Variants in SUMF1 observed in about 807,000 individuals in gnomAD.
The protein encoded by SUMF1 is formylglycine-generating enzyme.
A neutral mutation model predicts 47.6 loss-of-function variants in SUMF1; 48 were observed. The observed-to-expected ratio is 1.01, with a 90% CI of 0.80 to 1.28. The LOEUF (loss-of-function observed/expected upper bound fraction) is 1.28, where lower values mean the gene tolerates loss of function less well. Ranked by LOEUF, SUMF1 falls within the 50% of genes most tolerant of loss-of-function variation. The pLI is 0.00. For missense variants in SUMF1, 571 were observed against 485.4 expected (o/e 1.18, Z -1.66); for synonymous variants, 230 against 192.1 (o/e 1.20, Z -1.63).
chr3:4,430,997 A>C lies in SUMF1; in HGVS notation c.520-10851T>G, dbSNP rs192266963. On this transcript the variant is annotated intron_variant, in intron 3 of 8. Coordinates refer to ENST00000272902, the MANE Select transcript of SUMF1 (RefSeq NM_182760.4). The stretch of plus-strand genomic sequence containing the variant: ...AACCTTAGATCTGGAAGGATGCCAA[A>C]AAGTTACTTGATTTTAACCTGTACC... Among the ~76,000 whole-genome samples the C allele has an allele frequency of 2.0e-5, 3 of 152,340 alleles. No homozygotes were observed. In the East Asian group the frequency reaches 5.8e-4, roughly 29 times the overall value.
intron 8 of SUMF1, among the ~76,000 whole-genome samples, chr3:4,364,814 G>T (rs1003274533): frequency 1.3e-5 from 2 of 151,862 alleles, no homozygotes; most frequent in African/African-American, 4.8e-5. Flanking sequence ...TAATTGTGAT[G>T]TTAGGGTATC....
chr3:4,074,175 A>G (rs900937905), intron 8 of SUMF1, among the ~76,000 whole-genome samples: 1 of 152,096 alleles, frequency 6.6e-6, no homozygotes, highest in Non-Finnish European at 1.5e-5. Flanking sequence ...AGAACTCTGG[A>G]TTAAGAAACT....
At chr3:4,387,346 G>A (rs1017976425) in intron 7 of SUMF1, among the ~76,000 whole-genome samples, 1 of 151,984 alleles carries the variant, frequency 6.6e-6, no homozygotes, top group South Asian at 2.1e-4. Flanking sequence ...TTGAGGAAGT[G>A]TTGTTTCTCG....
chr3:4,108,544 T>C lies in SUMF1; in HGVS notation c.1015-39799A>G, dbSNP rs187766026. ...GGGGTGTTAAAGTCTCCCATTACTA[T>C]GGTGTGGGAGTCTAAGTCTCTTTCT... On this transcript the variant is annotated intron_variant and NMD_transcript_variant, in intron 8 of 12. Coordinates refer to the SUMF1 transcript ENST00000448413. 4.3e-3 allele frequency among the ~76,000 whole-genome samples: 650 copies of C among 152,216 alleles called. 16 individuals are homozygous for C. The highest frequency in any genetic ancestry group is 1.4e-3 in the Non-Finnish European group (95 of 68,010).
chr3:4,439,286 G>A (rs1000807684), intron 3 of SUMF1, among the ~76,000 whole-genome samples: 2 of 152,166 alleles, frequency 1.3e-5, no homozygotes, highest in Non-Finnish European at 2.9e-5. Context: ...CACTTTAGGA[G>A]GCTGAGGCAG....
intron 8 of SUMF1, among the ~76,000 whole-genome samples, chr3:4,133,422 G>C (rs531765584): frequency 1.3e-5 from 2 of 152,270 alleles, no homozygotes; most frequent in African/African-American, 4.8e-5. Flanking sequence ...ACTTGTGATA[G>C]TTAATACTAA....
chr3:4,357,966 A>G (rs978604440), downstream of SUMF1, among the ~76,000 whole-genome samples: 4 of 152,232 alleles, frequency 2.6e-5, no homozygotes, highest in South Asian at 2.1e-4. Context: ...CTCAAGGGTC[A>G]TATCGACAAT....
At chr3:4,240,062 G>T (rs922426517) in intron 8 of SUMF1, among the ~76,000 whole-genome samples, 1 of 152,102 alleles carries the variant, frequency 6.6e-6, no homozygotes, top group African/African-American at 2.4e-5. Flanking sequence ...TTATGTGATG[G>T]ATTATGTTTA....
At chr3:4,100,701 T>C (rs1215125491) in intron 8 of SUMF1, among the ~76,000 whole-genome samples, 4 of 151,816 alleles carry the variant, frequency 2.6e-5, no homozygotes, top group East Asian at 3.8e-4. Flanking sequence ...AAATGATTAA[T>C]AGAGTGAAGA....
intron 8 of SUMF1, among the ~76,000 whole-genome samples, chr3:4,106,379 C>T (rs1479466141): frequency 1.3e-5 from 2 of 152,034 alleles, no homozygotes; most frequent in African/African-American, 4.8e-5. Flanking sequence ...AGGCCATAAA[C>T]CAGGCACCTT....
At chr3:4,226,414 T>G (rs1696176538) in intron 8 of SUMF1, among the ~76,000 whole-genome samples, 1 of 151,398 alleles carries the variant, frequency 6.6e-6, no homozygotes, top group Admixed American at 6.6e-5. Flanking sequence ...GGACTACAGG[T>G]GCACCCCACC....
At chr3:4,353,794 T>C (rs1002020275) in intron 8 of SUMF1, among the ~76,000 whole-genome samples, 2 of 152,148 alleles carry the variant, frequency 1.3e-5, no homozygotes, top group African/African-American at 4.8e-5. Context: ...CAACAGGTTG[T>C]AGTGAGTTCT....
chr3:4,133,667 T>C (rs867214161), intron 8 of SUMF1, among the ~76,000 whole-genome samples: 8 of 152,240 alleles, frequency 5.3e-5, no homozygotes, highest in South Asian at 2.1e-4. Flanking sequence ...CCGTGCTGGA[T>C]GCTTCCTGCC....
In SUMF1 at chr3:4,419,466, T is replaced by A. The variant is rs562118546; in HGVS notation, c.602+598A>T. ...TTTCTTGGGCTGCTGAGATGCTGAG[T>A]CCTAACCCAAACCTTGCTCAATCTC... On this transcript the variant is annotated intron_variant, in intron 4 of 8. Coordinates refer to ENST00000272902, the MANE Select transcript of SUMF1 (RefSeq NM_182760.4). Among the ~76,000 whole-genome samples the A allele has an allele frequency of 7.2e-5, 11 of 152,298 alleles. No individual in the cohort carries two copies. In the South Asian group the frequency reaches 2.3e-3, roughly 32 times the overall value.
chr3:4,203,293 A>T (rs932467655), intron 8 of SUMF1, among the ~76,000 whole-genome samples: 2 of 151,964 alleles, frequency 1.3e-5, no homozygotes, highest in African/African-American at 4.8e-5. Flanking sequence ...ATATATTTGC[A>T]ATTATTATAT....
intron 9 of SUMF1, among the ~76,000 whole-genome samples, chr3:4,063,578 A>G (rs77132990): frequency 0.047 from 7,093 of 152,024 alleles, 580 homozygotes; most frequent in African/African-American, 0.16. Context: ...TGTGAAGCAT[A>G]AAACCCAACC....
intron 8 of SUMF1, among the ~76,000 whole-genome samples, chr3:4,113,127 A>G (rs1197855184): frequency 6.6e-6 from 1 of 152,118 alleles, no homozygotes; most frequent in Non-Finnish European, 1.5e-5. Flanking sequence ...TTGCATGCAT[A>G]GAATGTGTAA....
At chr3:4,408,837 C>G (rs1040820763) in intron 7 of SUMF1, among the ~76,000 whole-genome samples, 2 of 151,910 alleles carry the variant, frequency 1.3e-5, no homozygotes, top group African/African-American at 4.8e-5. Context: ...TGGGGGGCAC[C>G]TGTAATCCCA....
At chr3:4,388,341 T>C (rs1700740427) in intron 7 of SUMF1, among the ~76,000 whole-genome samples, 1 of 152,144 alleles carries the variant, frequency 6.6e-6, no homozygotes, top group Admixed American at 6.5e-5. Flanking sequence ...TAAATTTCTT[T>C]GCTTTGAAGT....
Sources: gnomAD v4.1 joint callset for allele counts (sites outside exome capture counted in the v4.1 genomes callset) on GRCh38, gnomAD v4.1.1 for gene constraint, MANE v1.5 for transcripts, NCBI Gene and HGNC (gene_info 2026-07-23, HGNC 2026-07-21) for gene names.